SNTG1: variants seen among roughly 807,000 people sequenced by gnomAD.
SNTG1 encodes syntrophin gamma 1.
SNTG1 carries 39 observed loss-of-function variants against 74.7 expected under a neutral mutation model. That is an observed-to-expected ratio of 0.52 (90% CI 0.40 to 0.68). SNTG1 has a LOEUF of 0.68. SNTG1 is among the 30% of genes least tolerant of loss of function. The pLI, the probability that SNTG1 is intolerant of heterozygous loss-of-function variation, is 0.00. For missense variants in SNTG1, 685 were observed against 609.5 expected, an observed-to-expected ratio of 1.12 and a Z score of -1.30; for synonymous variants, 254 against 217.1, an observed-to-expected ratio of 1.17 and a Z score of -1.49.
intron 4 of SNTG1, among the ~76,000 whole-genome samples, chr8:50,433,256 T>G (rs2093261097): frequency 6.6e-6 from 1 of 152,200 alleles, no homozygotes; most frequent in Admixed American, 6.5e-5. Context: ...AGAATTTTTT[T>G]TCAATTCTTT....
intron 1 of SNTG1, among the ~76,000 whole-genome samples, chr8:50,116,295 G>T (rs147827323): frequency 1.6e-4 from 25 of 152,186 alleles, no homozygotes; most frequent in African/African-American, 6.0e-4. Context: ...TCTACTTAAT[G>T]TAATACTTAC....
At chr8:50,687,583 T>C (rs2095358179) in intron 15 of SNTG1, among the ~76,000 whole-genome samples, 1 of 152,250 alleles carries the variant, frequency 6.6e-6, no homozygotes, top group Non-Finnish European at 1.5e-5. Context: ...CTTTTTTTAT[T>C]ATTATAATTT....
intron 2 of SNTG1, among the ~76,000 whole-genome samples, chr8:50,226,477 G>A (rs1196077022): frequency 1.3e-5 from 2 of 152,088 alleles, no homozygotes; most frequent in African/African-American, 4.8e-5. Flanking sequence ...AACTTTTAAA[G>A]ATCTGAATAG....
intron 17 of SNTG1, among the ~76,000 whole-genome samples, chr8:50,751,781 C>A (rs1401396942): frequency 6.6e-6 from 1 of 151,738 alleles, no homozygotes; most frequent in Non-Finnish European, 1.5e-5. Flanking sequence ...TGCATTTTTG[C>A]AATAATTATT....
At chr8:50,673,160 G>A (rs915165892) in intron 15 of SNTG1, among the ~76,000 whole-genome samples, 4 of 152,026 alleles carry the variant, frequency 2.6e-5, no homozygotes, top group African/African-American at 9.7e-5. Context: ...GGCTATAGAG[G>A]GTCTCCTTTG....
At chr8:49,970,670 C>A (rs920470011) in intron 1 of SNTG1, among the ~76,000 whole-genome samples, 5 of 152,304 alleles carry the variant, frequency 3.3e-5, no homozygotes, top group Non-Finnish European at 5.9e-5. Flanking sequence ...TTACGTAGCT[C>A]TAATTCGCAT....
intron 16 of SNTG1, chr8:50,707,886 T>C (rs769603407): frequency 1.8e-5 from 7 of 392,312 alleles, no homozygotes; most frequent in Non-Finnish European, 3.1e-5. Context: ...CTGTTTTCTT[T>C]ATATTTCAGT....
intron 1 of SNTG1, among the ~76,000 whole-genome samples, chr8:49,951,090 G>A (rs1809657383): frequency 6.6e-6 from 1 of 152,090 alleles, no homozygotes. Context: ...TTGCATTTGG[G>A]GGGATAGTAA....
intron 1 of SNTG1, among the ~76,000 whole-genome samples, chr8:50,109,830 T>A (rs533176978): frequency 1.3e-5 from 2 of 152,322 alleles, no homozygotes; most frequent in East Asian, 3.9e-4. Context: ...TGAAAGCCAG[T>A]GTGCCGGCAA....
At chr8:50,513,537 G>A (rs1262191334) in intron 9 of SNTG1, among the ~76,000 whole-genome samples, 2 of 152,240 alleles carry the variant, frequency 1.3e-5, no homozygotes, top group African/African-American at 4.8e-5. Context: ...AGGCAGGCAG[G>A]CCTCTTTGAG....
chr8:50,560,746 G>C (rs1292567865), intron 12 of SNTG1, among the ~76,000 whole-genome samples: 2 of 152,034 alleles, frequency 1.3e-5, no homozygotes, highest in South Asian at 2.1e-4. Context: ...GCATCAAGAA[G>C]AACAGCTAAT....
chr8:49,962,951 T>C (rs1245165893), intron 1 of SNTG1, among the ~76,000 whole-genome samples: 1 of 152,166 alleles, frequency 6.6e-6, no homozygotes, highest in Non-Finnish European at 1.5e-5. Flanking sequence ...AGGCAGTATC[T>C]GGCAGGAGCA....
chr8:50,487,978 A>G (rs2093813777), intron 8 of SNTG1, among the ~76,000 whole-genome samples: 1 of 152,204 alleles, frequency 6.6e-6, no homozygotes, highest in South Asian at 2.1e-4. Flanking sequence ...GAGTTAATTT[A>G]AACTATGCTT....
chr8:49,987,849 C>T (rs1291279692), intron 1 of SNTG1, among the ~76,000 whole-genome samples: 2 of 152,006 alleles, frequency 1.3e-5, no homozygotes, highest in East Asian at 1.9e-4. Context: ...GGGGTTTCAC[C>T]GTGTTAGCCA....
intron 1 of SNTG1, among the ~76,000 whole-genome samples, chr8:49,916,711 A>G (rs548734441): frequency 1.3e-5 from 2 of 152,246 alleles, no homozygotes; most frequent in South Asian, 2.1e-4. Flanking sequence ...TTACTTATAT[A>G]AAACTATGAA....
At chr8:50,381,795 T>A (rs1454041426) in intron 2 of SNTG1, 2 of 138,958 alleles carry the variant, frequency 1.4e-5, no homozygotes, top group African/African-American at 5.3e-5. Flanking sequence ...TATATATATA[T>A]CCTATTAGTT....
chr8:50,732,222 A>G (rs2095514539), intron 17 of SNTG1, among the ~76,000 whole-genome samples: 1 of 151,980 alleles, frequency 6.6e-6, no homozygotes, highest in Non-Finnish European at 1.5e-5. Context: ...ATTACTATAT[A>G]TAAAATATCA....
intron 9 of SNTG1, among the ~76,000 whole-genome samples, chr8:50,512,766 T>C (rs1294050444): frequency 3.3e-5 from 5 of 152,252 alleles, no homozygotes; most frequent in African/African-American, 1.2e-4. Context: ...TTCAGATCCA[T>C]CAGGTCCTTT....
chr8:50,759,317 G>T (rs905666558), intron 18 of SNTG1, among the ~76,000 whole-genome samples: 1 of 152,062 alleles, frequency 6.6e-6, no homozygotes, highest in African/African-American at 2.4e-5. Context: ...AGTTTAACGA[G>T]ATCTCGTTTG....
Sources: gnomAD v4.1 joint callset for allele counts (sites outside exome capture counted in the v4.1 genomes callset) on GRCh38, gnomAD v4.1.1 for gene constraint, MANE v1.5 for transcripts, NCBI Gene and HGNC (gene_info 2026-07-23, HGNC 2026-07-21) for gene names.